Variants in SLC4A5 observed in about 807,000 individuals in gnomAD.
The protein encoded by SLC4A5 is solute carrier family 4 member 5, also known as electrogenic sodium bicarbonate cotransporter 4.
Under a neutral mutation model 120.4 loss-of-function variants are expected in SLC4A5, and 96 were observed. The ratio of observed to expected loss-of-function variants is 0.80; its 90% CI spans 0.68 to 0.94. The LOEUF is 0.94. Ranked by LOEUF, SLC4A5 falls within the 40% of genes least tolerant of loss-of-function variation. The probability of loss-of-function intolerance (pLI) is 0.00; values close to 1 mark genes in which losing one functional copy is unlikely to be tolerated. For synonymous variants in SLC4A5, 550 were observed against 571.1 expected, an observed-to-expected ratio of 0.96 and a Z score of 0.53; for missense variants, 1,259 against 1,459.5, an observed-to-expected ratio of 0.86 and a Z score of 2.24.
At chr2:74,262,362 T>TA in intron 10 of SLC4A5, 130 bp from the exon 11 acceptor site, 61 of 507,360 alleles carry the variant, frequency 1.2e-4, no homozygotes, top group Non-Finnish European at 1.6e-4. Context: ...GGGAAGAAAT[T>TA]CTTTTTTTTT....
chr2:74,244,710 T>G (rs1485406575), intron 19 of SLC4A5, among the ~76,000 whole-genome samples: 3 of 152,150 alleles, frequency 2.0e-5, no homozygotes, highest in Non-Finnish European at 2.9e-5. Context: ...GCCTTCTGAC[T>G]AGCTGGGACT....
intron 6 of SLC4A5, among the ~76,000 whole-genome samples, chr2:74,309,962 A>G (rs13411732): frequency 0.038 from 5,844 of 152,128 alleles, 390 homozygotes; most frequent in African/African-American, 0.13. Context: ...GTGCCTGGCC[A>G]AAATATTTTT....
intron 10 of SLC4A5, among the ~76,000 whole-genome samples, chr2:74,262,585 G>C (rs1223268160): frequency 1.3e-5 from 2 of 151,836 alleles, no homozygotes; most frequent in East Asian, 1.9e-4. Context: ...TGTAATCCCA[G>C]CTACTTGGGA....
At chr2:74,257,541 T>A (rs761655707) in intron 12 of SLC4A5, among the ~76,000 whole-genome samples, 84 of 152,124 alleles carry the variant, frequency 5.5e-4, no homozygotes, top group Non-Finnish European at 7.9e-4. Flanking sequence ...GAAGCAGCAA[T>A]GCTTCAGGGT....
At chr2:74,270,401 C>T (rs144399499) in intron 8 of SLC4A5, among the ~76,000 whole-genome samples, 9,586 of 152,268 alleles carry the variant, frequency 0.063, 618 homozygotes, top group African/African-American at 0.16. Context: ...GGGCTGGGCG[C>T]GGTGGCTCAT....
intron 7 of SLC4A5, among the ~76,000 whole-genome samples, chr2:74,289,999 A>G (rs933961072): frequency 6.6e-6 from 1 of 152,178 alleles, no homozygotes; most frequent in Non-Finnish European, 1.5e-5. Flanking sequence ...CTCATAATAT[A>G]GCCCTAACCT....
chr2:74,233,230 A>G (rs1002427571), intron 23 of SLC4A5, among the ~76,000 whole-genome samples, 172 bp downstream of exon 23: 2 of 152,174 alleles, frequency 1.3e-5, no homozygotes, highest in African/African-American at 2.4e-5. Context: ...TGGTGGCCTT[A>G]CCCACATCTG....
In SLC4A5 at chr2:74,240,287, T is replaced by C. The variant is rs898554936; in HGVS notation, c.2119-752A>G. Among the ~76,000 whole-genome samples the C allele has an allele frequency of 7.2e-5, 11 of 152,290 alleles. No homozygotes were observed. The East Asian group carries it at 1.7e-3, about 24-fold the overall frequency. ...GACCAGATCGCATTCTACTTCCTCT[T>C]TGAGGCTTTTCTTGGCCTCTCCAGC... On this transcript the variant is annotated intron_variant, in intron 20 of 30. Transcript: ENST00000394019.
intron 11 of SLC4A5, among the ~76,000 whole-genome samples, chr2:74,261,573 C>G (rs1671136397): frequency 6.6e-6 from 1 of 152,134 alleles, no homozygotes. Context: ...CTTTCTTTTC[C>G]CCAGCTCGCC....
chr2:74,292,180 C>T (rs1672194975), intron 7 of SLC4A5, among the ~76,000 whole-genome samples: 1 of 152,188 alleles, frequency 6.6e-6, no homozygotes, highest in East Asian at 1.9e-4. Flanking sequence ...GCTGGCACAG[C>T]ACTCGTGTAC....
chr2:74,301,700 G>C (rs1573078929), intron 7 of SLC4A5, among the ~76,000 whole-genome samples: 1 of 152,214 alleles, frequency 6.6e-6, no homozygotes, highest in Non-Finnish European at 1.5e-5. Context: ...CAAGAGCAAG[G>C]TTTATATCTG....
chr2:74,272,546 C>T (rs1013211880), intron 8 of SLC4A5, among the ~76,000 whole-genome samples: 1 of 152,202 alleles, frequency 6.6e-6, no homozygotes, highest in Non-Finnish European at 1.5e-5. Flanking sequence ...CCACGTTCTC[C>T]TTCATTATCC....
intron 19 of SLC4A5, 93 bp downstream of exon 19, chr2:74,246,943 C>T: frequency 6.6e-7 from 1 of 1,511,680 alleles, no homozygotes; most frequent in Non-Finnish European, 9.0e-7. Flanking sequence ...TGAATGGCCC[C>T]TCCCCAGCAG....
At chr2:74,292,284 A>C (rs1266621573) in intron 7 of SLC4A5, among the ~76,000 whole-genome samples, 1 of 152,068 alleles carries the variant, frequency 6.6e-6, no homozygotes, top group East Asian at 1.9e-4. Context: ...TGTTCCCTCT[A>C]AACATTCCAA....
intron 7 of SLC4A5, among the ~76,000 whole-genome samples, chr2:74,299,255 A>G (rs6760558): frequency 0.22 from 33,820 of 152,084 alleles, 5,443 homozygotes; most frequent in East Asian, 0.48. Context: ...GGAGGCTGAG[A>G]CAGGAGAATT....
At chr2:74,223,007 CTT>C (rs1238005058) in intron 28 of SLC4A5, 55 bp from the exon 29 acceptor site, 15,370 of 884,528 alleles carry the variant, frequency 0.017, 2 homozygotes, top group East Asian at 0.021. Flanking sequence ...ATTTGGCTTT[CTT>C]TTTTTTTTTT....
intron 3 of SLC4A5, among the ~76,000 whole-genome samples, chr2:74,335,150 C>T (rs1362369197): frequency 6.6e-6 from 1 of 152,182 alleles, no homozygotes; most frequent in African/African-American, 2.4e-5. Context: ...GATGAGGAAA[C>T]CACTTCTCAC....
intron 21 of SLC4A5, among the ~76,000 whole-genome samples, chr2:74,235,903 C>T (rs539847482): frequency 2.1e-4 from 32 of 152,326 alleles, no homozygotes; most frequent in African/African-American, 7.2e-4. Flanking sequence ...AGTCTCAGGA[C>T]AGATGGTCCC....
At chr2:74,248,582 A>G in intron 17 of SLC4A5, 96 bp from the exon 18 acceptor site, 1 of 1,436,678 alleles carries the variant, frequency 7.0e-7, no homozygotes, top group Non-Finnish European at 9.5e-7. Flanking sequence ...GGCCCAGGCC[A>G]CAGTGTTTAT....
Sources: allele counts gnomAD v4.1 joint callset (sites outside exome capture counted in the v4.1 genomes callset), GRCh38; gene constraint gnomAD v4.1.1; transcripts MANE v1.5; gene names NCBI Gene and HGNC (gene_info 2026-07-23, HGNC 2026-07-21).